Variants in KCNQ3 observed in about 807,000 individuals in gnomAD.
The protein encoded by KCNQ3 is potassium voltage-gated channel subfamily Q member 3, also known as potassium voltage-gated channel subfamily KQT member 3.
KCNQ3 carries 30 observed loss-of-function variants against 92.5 expected under a neutral mutation model. That is an observed-to-expected ratio of 0.32 (90% CI 0.24 to 0.44). KCNQ3 has a LOEUF of 0.44. KCNQ3 is among the 20% of genes least tolerant of loss of function. The pLI, the probability that KCNQ3 is intolerant of heterozygous loss-of-function variation, is 1.00. For synonymous variants in KCNQ3, 450 were observed against 468.8 expected (o/e 0.96, Z 0.52); for missense variants, 913 against 1,140.3 (o/e 0.80, Z 2.87).
intron 4 of KCNQ3, among the ~76,000 whole-genome samples, chr8:132,176,838 A>C (rs1217247737): frequency 1.3e-5 from 2 of 152,216 alleles, no homozygotes; most frequent in Non-Finnish European, 2.9e-5. Flanking sequence ...CCAAGCCTCC[A>C]ACATTTTATT....
chr8:132,265,808 C>T (rs1291952110), intron 1 of KCNQ3, among the ~76,000 whole-genome samples: 1 of 152,176 alleles, frequency 6.6e-6, no homozygotes, highest in Non-Finnish European at 1.5e-5. Flanking sequence ...CTCCCTAGAA[C>T]AAAGGGACGA....
chr8:132,291,584 A>G (rs965830866), intron 1 of KCNQ3, among the ~76,000 whole-genome samples: 1 of 152,224 alleles, frequency 6.6e-6, no homozygotes, highest in Non-Finnish European at 1.5e-5. Context: ...TAATATTCCC[A>G]ATGTTTATCC....
At chr8:132,460,199 G>T (rs1039153776) in intron 1 of KCNQ3, among the ~76,000 whole-genome samples, 1 of 152,126 alleles carries the variant, frequency 6.6e-6, no homozygotes, top group South Asian at 2.1e-4. Context: ...TAGAAACCAA[G>T]GTCTGGATGC....
intron 1 of KCNQ3, among the ~76,000 whole-genome samples, chr8:132,273,503 G>A (rs1816228390): frequency 6.6e-6 from 1 of 152,344 alleles, no homozygotes; most frequent in African/African-American, 2.4e-5. Context: ...GGGAGGGGCT[G>A]CCGTGAAGAC....
At chr8:132,453,778 T>C (rs1202337088) in intron 1 of KCNQ3, among the ~76,000 whole-genome samples, 1 of 152,092 alleles carries the variant, frequency 6.6e-6, no homozygotes, top group Non-Finnish European at 1.5e-5. Flanking sequence ...ATGGCAAGGA[T>C]GGTTGTGGGG....
intron 1 of KCNQ3, among the ~76,000 whole-genome samples, chr8:132,216,418 C>T (rs541826234): frequency 6.6e-6 from 1 of 152,278 alleles, no homozygotes; most frequent in African/African-American, 2.4e-5. Context: ...GAAGGAGTCA[C>T]CTGCAGGGTT....
chr8:132,445,462 T>A (rs544658732), intron 1 of KCNQ3, among the ~76,000 whole-genome samples: 2 of 149,998 alleles, frequency 1.3e-5, no homozygotes, highest in South Asian at 2.2e-4. Context: ...ACCTGCCCCA[T>A]CCCCAACATA....
chr8:132,223,161 A>G (rs1270647438), intron 1 of KCNQ3, among the ~76,000 whole-genome samples: 1 of 152,156 alleles, frequency 6.6e-6, no homozygotes, highest in Non-Finnish European at 1.5e-5. Flanking sequence ...GAAAGGAAGG[A>G]AGGAGGGAAG....
At chr8:132,207,836 T>C (rs1403639648) in intron 1 of KCNQ3, among the ~76,000 whole-genome samples, 1 of 151,750 alleles carries the variant, frequency 6.6e-6, no homozygotes, top group African/African-American at 2.4e-5. Context: ...AAACATGGAT[T>C]ATTCTAGACT....
intron 1 of KCNQ3, among the ~76,000 whole-genome samples, chr8:132,298,425 C>T (rs1264793627): frequency 6.6e-6 from 1 of 151,964 alleles, no homozygotes; most frequent in Non-Finnish European, 1.5e-5. Context: ...ATGGAGGTTG[C>T]TGGAGGGGAA....
At chr8:132,465,748 A>C (rs1023684628) in intron 1 of KCNQ3, among the ~76,000 whole-genome samples, 3 of 151,850 alleles carry the variant, frequency 2.0e-5, no homozygotes, top group Non-Finnish European at 4.4e-5. Flanking sequence ...CGTCTCAAAA[A>C]CAAACAAACA....
At chr8:132,141,579 G>C (rs1825299010) in intron 9 of KCNQ3, among the ~76,000 whole-genome samples, 2 of 152,166 alleles carry the variant, frequency 1.3e-5, no homozygotes, top group South Asian at 4.1e-4. Context: ...ACGATTAAAT[G>C]TAGCTTACAT....
chr8:132,297,242 G>GT (rs1284222942), intron 1 of KCNQ3, among the ~76,000 whole-genome samples: 3 of 151,860 alleles, frequency 2.0e-5, no homozygotes, highest in Non-Finnish European at 1.5e-5. Flanking sequence ...GGGGTTGTTT[G>GT]TTTTTTTCTT....
chr8:132,454,527 GAGTACCTCCGTTTT>G (rs957934861), intron 1 of KCNQ3, among the ~76,000 whole-genome samples: 17 of 151,844 alleles, frequency 1.1e-4, no homozygotes, highest in Admixed American at 2.6e-4. Context: ...TCTGTAAAAC[GAGTACCTCCGTTTT>G]ACAGACGAAG....
At chr8:132,324,866 C>T (rs1219665262) in intron 1 of KCNQ3, among the ~76,000 whole-genome samples, 1 of 152,166 alleles carries the variant, frequency 6.6e-6, no homozygotes, top group Non-Finnish European at 1.5e-5. Context: ...CCTTCCTGAG[C>T]TTTCCTGCAA....
At chr8:132,344,175 G>C (rs1216018054) in intron 1 of KCNQ3, among the ~76,000 whole-genome samples, 1 of 152,176 alleles carries the variant, frequency 6.6e-6, no homozygotes, top group Non-Finnish European at 1.5e-5. Context: ...ATTATATCCA[G>C]GTTGCAAGGA....
intron 12 of KCNQ3, among the ~76,000 whole-genome samples, chr8:132,137,114 A>C (rs1825128067): frequency 6.6e-6 from 1 of 150,992 alleles, no homozygotes. Flanking sequence ...CAACTGATCC[A>C]CCTGCCTTGG....
intron 1 of KCNQ3, among the ~76,000 whole-genome samples, chr8:132,301,551 C>T (rs1817216987): frequency 6.6e-6 from 1 of 152,060 alleles, no homozygotes; most frequent in African/African-American, 2.4e-5. Flanking sequence ...ATTTACTGAC[C>T]ATCTACTAAG....
chr8:132,323,359 C>T (rs563531243), intron 1 of KCNQ3, among the ~76,000 whole-genome samples: 14 of 152,306 alleles, frequency 9.2e-5, no homozygotes, highest in South Asian at 6.2e-4. Context: ...TACTGGAAGA[C>T]GGCCATGCCA....
Sources: allele counts gnomAD v4.1 joint callset (sites outside exome capture counted in the v4.1 genomes callset), GRCh38; gene constraint gnomAD v4.1.1; transcripts MANE v1.5; gene names NCBI Gene and HGNC (gene_info 2026-07-23, HGNC 2026-07-21).